Variants in PTPRM observed in about 807,000 individuals in gnomAD.
The protein encoded by PTPRM is receptor-type tyrosine-protein phosphatase mu.
PTPRM carries 47 observed loss-of-function variants against 186.7 expected under a neutral mutation model. That is an observed-to-expected ratio of 0.25 (90% CI 0.20 to 0.32). The LOEUF (loss-of-function observed/expected upper bound fraction) is 0.32. Ranked by LOEUF, PTPRM falls within the 10% of genes least tolerant of loss-of-function variation. The probability of loss-of-function intolerance (pLI) is 1.00; values close to 1 mark genes in which losing one functional copy is unlikely to be tolerated. For missense variants in PTPRM, 1,494 were observed against 1,865.0 expected, an observed-to-expected ratio of 0.80 and a Z score of 3.66; for synonymous variants, 668 against 674.9, an observed-to-expected ratio of 0.99 and a Z score of 0.16.
At chr18:8,248,431 A>C in intron 17 of PTPRM, 1 of 551,294 alleles carries the variant, frequency 1.8e-6, no homozygotes, top group Non-Finnish European at 3.3e-6. Flanking sequence ...TCTCAGCCCC[A>C]ATATTCTCCC....
At chr18:8,129,281 A>G (rs927127739) in intron 13 of PTPRM, among the ~76,000 whole-genome samples, 1 of 152,208 alleles carries the variant, frequency 6.6e-6, no homozygotes, top group Non-Finnish European at 1.5e-5. Context: ...AATAAAAATG[A>G]GAAAGGCTGA....
chr18:7,888,564 C>A (rs1276910305), intron 3 of PTPRM, among the ~76,000 whole-genome samples, 187 bp downstream of exon 3: 1 of 152,182 alleles, frequency 6.6e-6, no homozygotes, highest in African/African-American at 2.4e-5. Flanking sequence ...TGTAAAGCAG[C>A]TTGGATACTT....
chr18:7,716,620 A>G (rs1462744149), intron 1 of PTPRM, among the ~76,000 whole-genome samples: 2 of 152,220 alleles, frequency 1.3e-5, no homozygotes, highest in Non-Finnish European at 2.9e-5. Context: ...TCTGCAAAGT[A>G]CTTAAACTTA....
chr18:8,158,296 C>T (rs886814982), intron 14 of PTPRM, among the ~76,000 whole-genome samples: 2 of 152,190 alleles, frequency 1.3e-5, no homozygotes, highest in Non-Finnish European at 2.9e-5. Flanking sequence ...AGTGTGTTGA[C>T]ATTCCCAGTC....
intron 14 of PTPRM, among the ~76,000 whole-genome samples, chr18:8,209,382 G>A (rs2093972514): frequency 6.6e-6 from 1 of 151,976 alleles, no homozygotes; most frequent in Non-Finnish European, 1.5e-5. Flanking sequence ...CTGATAGATT[G>A]AAGTGTCAAG....
At chr18:7,653,348 T>A (rs78960897) in intron 1 of PTPRM, among the ~76,000 whole-genome samples, 10,099 of 152,066 alleles carry the variant, frequency 0.066, 465 homozygotes, top group East Asian at 0.18. Context: ...AGTTCTAGGG[T>A]ACGTGTATAG....
intron 1 of PTPRM, among the ~76,000 whole-genome samples, chr18:7,621,738 T>G (rs2037943364): frequency 6.6e-6 from 1 of 152,232 alleles, no homozygotes; most frequent in South Asian, 2.1e-4. Context: ...TTTTTCAGAT[T>G]GTCTTCTTTC....
intron 11 of PTPRM, among the ~76,000 whole-genome samples, chr18:8,107,144 CAT>C (rs1307105049): frequency 5.3e-5 from 8 of 152,212 alleles, no homozygotes; most frequent in Admixed American, 1.3e-4. Flanking sequence ...CTTTCATAAT[CAT>C]GTGTTTATGA....
intron 2 of PTPRM, among the ~76,000 whole-genome samples, chr18:7,790,497 G>A (rs957434680): frequency 2.0e-5 from 3 of 152,124 alleles, no homozygotes; most frequent in African/African-American, 7.2e-5. Flanking sequence ...TTGTGGCTCT[G>A]CATACCCACT....
chr18:8,272,013 A>C (rs1459285991), intron 19 of PTPRM, among the ~76,000 whole-genome samples: 1 of 152,032 alleles, frequency 6.6e-6, no homozygotes, highest in Non-Finnish European at 1.5e-5. Flanking sequence ...GGAGATTGAG[A>C]CCATCCTGGT....
intron 7 of PTPRM, among the ~76,000 whole-genome samples, chr18:8,054,175 A>G (rs1310255918): frequency 6.6e-6 from 1 of 151,408 alleles, no homozygotes; most frequent in Non-Finnish European, 1.5e-5. Context: ...TATTTTTTGT[A>G]AACAGATTAT....
chr18:7,773,570 GT>G (rs10708698), intron 1 of PTPRM, among the ~76,000 whole-genome samples: 89,337 of 129,566 alleles, frequency 0.69, 30,456 homozygotes, highest in East Asian at 0.96. Context: ...TCTTTTCTTT[GT>G]TTTTTTTTTT....
chr18:8,285,164 C>A (rs147409001), intron 19 of PTPRM, among the ~76,000 whole-genome samples: 13 of 152,304 alleles, frequency 8.5e-5, no homozygotes, highest in African/African-American at 3.1e-4. Context: ...TATATGCAAG[C>A]CAACATGGTT....
chr18:7,963,982 A>G (rs1016936209), intron 7 of PTPRM, among the ~76,000 whole-genome samples: 2 of 152,182 alleles, frequency 1.3e-5, no homozygotes, highest in Admixed American at 1.3e-4. Context: ...GCTTTGAACA[A>G]TTCTTAAAGA....
chr18:7,651,929 G>C (rs2038715785), intron 1 of PTPRM, among the ~76,000 whole-genome samples: 1 of 151,958 alleles, frequency 6.6e-6, no homozygotes, highest in Non-Finnish European at 1.5e-5. Context: ...AAGAGCTTCT[G>C]CACAGCAAAA....
At chr18:7,711,055 G>C (rs1421134654) in intron 1 of PTPRM, among the ~76,000 whole-genome samples, 1 of 152,126 alleles carries the variant, frequency 6.6e-6, no homozygotes, top group Non-Finnish European at 1.5e-5. Context: ...TGGCCAAATA[G>C]TAACAGCTCC....
intron 20 of PTPRM, among the ~76,000 whole-genome samples, chr18:8,305,818 A>G (rs1177164992): frequency 2.6e-5 from 4 of 152,156 alleles, no homozygotes; most frequent in Non-Finnish European, 5.9e-5. Flanking sequence ...GTTCCCCAGT[A>G]AGCATACTGG....
intron 1 of PTPRM, among the ~76,000 whole-genome samples, chr18:7,767,757 T>C (rs2042081606): frequency 6.6e-6 from 1 of 152,218 alleles, no homozygotes; most frequent in African/African-American, 2.4e-5. Context: ...TCAAAAGCCA[T>C]AATTTGTGGA....
intron 1 of PTPRM, chr18:7,742,040 C>T (rs1237359129): frequency 6.6e-6 from 1 of 152,060 alleles, no homozygotes; most frequent in Non-Finnish European, 1.5e-5. Context: ...CATGTTGTTC[C>T]CCACTGAAAT....
Sources: allele counts gnomAD v4.1 joint callset (sites outside exome capture counted in the v4.1 genomes callset), GRCh38; gene constraint gnomAD v4.1.1; transcripts MANE v1.5; gene names NCBI Gene and HGNC (gene_info 2026-07-23, HGNC 2026-07-21).